VPS13B: variants seen among roughly 807,000 people sequenced by gnomAD.
The protein encoded by VPS13B is vacuolar protein sorting 13 homolog B.
In VPS13B, 285 loss-of-function variants were observed where a neutral mutation model predicts 426.4. That is an observed-to-expected ratio of 0.67 (90% CI 0.61 to 0.74). The LOEUF (loss-of-function observed/expected upper bound fraction) is 0.74. Among genes scored for constraint, VPS13B ranks in the 30% least tolerant of loss-of-function variants. The pLI is 0.00. For missense variants in VPS13B, 4,537 were observed against 4,782.6 expected, an observed-to-expected ratio of 0.95 and a Z score of 1.51; for synonymous variants, 1,676 against 1,676.4, an observed-to-expected ratio of 1.00 and a Z score of 0.01.
intron 12 of VPS13B, among the ~76,000 whole-genome samples, chr8:99,137,095 T>A (rs990276113): frequency 2.0e-5 from 3 of 152,152 alleles, no homozygotes; most frequent in Admixed American, 6.5e-5. Flanking sequence ...AAGGTGATAC[T>A]AATTTTTAAT....
In VPS13B at chr8:99,870,877, A is replaced by C; in HGVS notation, c.11485A>C (p.Lys3829Gln). The change falls in exon 60 of 62, where the codon AAA (lysine) becomes CAA (glutamine). Residue 3829 changes from lysine to glutamine, a missense_variant. By Grantham distance (53) the Lys-to-Gln change is moderately conservative. Transcript: ENST00000357162. ...HADQAPNSHV[K>Q]YVWKMLQSLG... Reference sequence around the variant, plus strand: ...TGACCAGGCTCCAAACAGCCATGTCAAATATGTCTGGTAAAATTATTGAGA... The same window carrying C: ...TGACCAGGCTCCAAACAGCCATGTCCAATATGTCTGGTAAAATTATTGAGA... 1 of 1,614,126 alleles carries C rather than the reference A, an allele frequency of 6.2e-7. No homozygotes were observed. The highest frequency in any genetic ancestry group is 8.5e-7 in the Non-Finnish European group (1 of 1,179,962).
At chr8:99,767,979 C>T (rs1164074996) in intron 40 of VPS13B, among the ~76,000 whole-genome samples, 1 of 152,142 alleles carries the variant, frequency 6.6e-6, no homozygotes, top group Non-Finnish European at 1.5e-5. Flanking sequence ...CAGTTTTTGC[C>T]TACTTAACAC....
intron 19 of VPS13B, among the ~76,000 whole-genome samples, chr8:99,361,440 T>C (rs1812551974): frequency 6.6e-6 from 1 of 152,200 alleles, no homozygotes; most frequent in South Asian, 2.1e-4. Flanking sequence ...TTTCCTGCTG[T>C]TTTAGCAGGA....
intron 33 of VPS13B, among the ~76,000 whole-genome samples, chr8:99,603,999 A>G (rs913336614): frequency 6.6e-6 from 1 of 152,202 alleles, no homozygotes. Flanking sequence ...ATAATGGTGA[A>G]ATATAAAGAT....
In VPS13B at chr8:99,511,185, G is replaced by A; in HGVS notation, c.4306G>A (p.Val1436Ile). 1 of 1,614,022 alleles carries A rather than the reference G, an allele frequency of 6.2e-7. No individual in the cohort carries two copies. Among genetic ancestry groups the A allele is most frequent in the Non-Finnish European group, 8.5e-7 (1 of 1,180,004 alleles). Reference sequence around the variant, plus strand: ...ATACACAAAAGCTGTAACAAAAAATGTCCGCCACAAGTTAACATCAAGAAA... The same window carrying A: ...ATACACAAAAGCTGTAACAAAAAATATCCGCCACAAGTTAACATCAAGAAA... Reference protein sequence around the residue: ...LTYTKAVTKNVRHKLTSRNER... With the variant: ...LTYTKAVTKNIRHKLTSRNER... The change falls in exon 29 of 62, where the codon GTC (valine) becomes ATC (isoleucine). Residue 1436 changes from valine (V) to isoleucine (I), a missense_variant. This residue lies in a region of VPS13B where 4,311 missense variants were observed against 4,474.3 expected (regional missense o/e 0.96). Coordinates refer to ENST00000357162, the MANE Select transcript of VPS13B (RefSeq NM_152564.5).
At chr8:99,808,565 C>T (rs1280823370) in intron 43 of VPS13B, among the ~76,000 whole-genome samples, 1 of 146,624 alleles carries the variant, frequency 6.8e-6, no homozygotes, top group South Asian at 2.1e-4. Context: ...AATCATAGAA[C>T]GTTGTTTTCA....
At position 99,333,570 on chromosome 8, in the gene VPS13B, A is replaced by G. The variant is rs142039925; in HGVS notation, c.2825-50638A>G. 8.3e-4 allele frequency among the ~76,000 whole-genome samples: 126 copies of G among 151,960 alleles called. No individual in the cohort carries two copies. The Middle Eastern group carries it at 0.01, about 12-fold the overall frequency. ...GTAGTTTTATCACATATGTAGATTC[A>G]TGTACCTACCACCATAGTCAAGATA... On this transcript the variant is annotated intron_variant, in intron 19 of 61. Transcript: ENST00000357162.
intron 3 of VPS13B, among the ~76,000 whole-genome samples, chr8:99,063,369 A>T (rs1844302037): frequency 6.6e-6 from 1 of 152,186 alleles, no homozygotes; most frequent in African/African-American, 2.4e-5. Context: ...TCCTGCCCAA[A>T]TACTGTACTT....
chr8:99,472,831 A>G (rs1819484720), intron 24 of VPS13B, among the ~76,000 whole-genome samples: 1 of 152,010 alleles, frequency 6.6e-6, no homozygotes, highest in Non-Finnish European at 1.5e-5. Context: ...TACTAATATC[A>G]TGAATAAAGG....
intron 19 of VPS13B, among the ~76,000 whole-genome samples, chr8:99,357,460 T>A (rs1177248882): frequency 6.6e-6 from 1 of 152,212 alleles, no homozygotes; most frequent in Non-Finnish European, 1.5e-5. Flanking sequence ...TTCTAATAGA[T>A]CTCAAGCTCT....
At chr8:99,423,201 T>A (rs554043160) in intron 21 of VPS13B, among the ~76,000 whole-genome samples, 1 of 152,256 alleles carries the variant, frequency 6.6e-6, no homozygotes, top group South Asian at 2.1e-4. Context: ...CCCTCACAAC[T>A]TTTACTATTT....
chr8:99,630,073 G>A (rs1055566303), intron 33 of VPS13B, among the ~76,000 whole-genome samples: 2 of 152,058 alleles, frequency 1.3e-5, no homozygotes, highest in African/African-American at 4.8e-5. Flanking sequence ...CCACCTTCAG[G>A]TCACATGCTT....
At chr8:99,198,948 T>C (rs1814120197) in intron 17 of VPS13B, among the ~76,000 whole-genome samples, 1 of 152,128 alleles carries the variant, frequency 6.6e-6, no homozygotes, top group African/African-American at 2.4e-5. Context: ...AATGTGTATG[T>C]ATTTAGGGTG....
chr8:99,721,161 A>G, intron 39 of VPS13B, 114 bp downstream of exon 39: 1 of 1,099,636 alleles, frequency 9.1e-7, no homozygotes. Context: ...TCAGAGAGAA[A>G]TACACATCTG....
At position 99,817,562 on chromosome 8, in the gene VPS13B, T is replaced by C. The variant is rs1563488706; in HGVS notation, c.8120T>C (p.Ile2707Thr). ...TAGATTATCATCTGTGGAAGACAGA[T>C]CATCTGTAGTTACTTGTCTCAAAGC... is the stretch of plus-strand genomic sequence containing the variant. ...QKQIIICGRQ[I>T]ICSYLSQSIE... Residue 2707 changes from isoleucine (I) to threonine (T), a missense_variant, in exon 45 of 62, where the codon ATC becomes ACC. Around this residue, in one of 2 missense-constraint regions of VPS13B, gnomAD observed 4,311 missense variants for 4,474.3 expected, o/e 0.96. Coordinates refer to ENST00000357162, the MANE Select transcript of VPS13B (RefSeq NM_152564.5). The C allele has an allele frequency of 1.2e-6, 2 of 1,614,066 alleles. No individual in the cohort carries two copies. Among genetic ancestry groups the C allele is most frequent in the Admixed American group, 1.7e-5 (1 of 60,024 alleles).
In VPS13B at chr8:99,013,764, C is replaced by T. The variant is rs374307844; in HGVS notation, c.-25C>T. 1 of 1,613,790 alleles carries T rather than the reference C, an allele frequency of 6.2e-7. No individual in the cohort carries two copies. Among genetic ancestry groups the T allele is most frequent in the Non-Finnish European group, 8.5e-7 (1 of 1,179,910 alleles). ...GTTTCTGTCTACTCCTTTCAGCTTC[C>T]GACTTCGACTCCTTACCTTAAAAGA... On this transcript the variant is annotated 5_prime_UTR_variant, in exon 2 of 62. Coordinates refer to ENST00000357162, the MANE Select transcript of VPS13B (RefSeq NM_152564.5).
At chr8:99,099,949 T>C (rs1388693815) in intron 4 of VPS13B, among the ~76,000 whole-genome samples, 1 of 152,162 alleles carries the variant, frequency 6.6e-6, no homozygotes, top group Non-Finnish European at 1.5e-5. Flanking sequence ...TCATCCTTAG[T>C]GTGACTTTCT....
chr8:99,291,029 G>A (rs1359569597), intron 19 of VPS13B, among the ~76,000 whole-genome samples: 1 of 152,078 alleles, frequency 6.6e-6, no homozygotes, highest in Non-Finnish European at 1.5e-5. Flanking sequence ...TTAGAAACTA[G>A]CATAGGCAGT....
intron 2 of VPS13B, among the ~76,000 whole-genome samples, chr8:99,028,111 T>C (rs962766076): frequency 5.9e-5 from 9 of 152,174 alleles, no homozygotes; most frequent in Non-Finnish European, 1.2e-4. Context: ...CATGTCTACT[T>C]CTCTCCACAC....
Sources: gnomAD v4.1 joint callset for allele counts (sites outside exome capture counted in the v4.1 genomes callset) on GRCh38, gnomAD v4.1.1 for gene constraint, gnomAD v4.1.1 regional missense constraint, MANE v1.5 for transcripts, NCBI Gene and HGNC (gene_info 2026-07-23, HGNC 2026-07-21) for gene names.